The following THRB variants were observed in gnomAD, a reference collection of about 807,000 sequenced individuals.
The protein encoded by THRB is thyroid hormone receptor beta.
In THRB, 12 loss-of-function variants were observed where a neutral mutation model predicts 47.8. The observed-to-expected ratio is 0.25, with a 90% CI of 0.16 to 0.41. THRB has a LOEUF of 0.41. THRB is among the 10% of genes least tolerant of loss of function. The pLI is 1.00. For synonymous variants in THRB, 218 were observed against 212.2 expected (o/e 1.03, Z -0.24); for missense variants, 348 against 589.2 (o/e 0.59, Z 4.24).
chr3:24,343,843 G>A (rs6764304), intron 1 of THRB, among the ~76,000 whole-genome samples: 23,503 of 149,412 alleles, frequency 0.16, 1,974 homozygotes, highest in East Asian at 0.29. Context: ...CTTTAGTTTC[G>A]TAAAGATCTA....
Position 24,265,878 on chromosome 3 carries a change from T to C in THRB, c.-43+31348A>G, listed in dbSNP as rs146282117. Among the ~76,000 whole-genome samples, 1,235 of 152,224 alleles carry C rather than the reference T, an allele frequency of 8.1e-3. 15 individuals are homozygous for C. Among genetic ancestry groups the C allele is most frequent in the African/African-American group, 0.028 (1,166 of 41,542 alleles). ...ACAAAATAAAAATGATATATGAAGT[T>C]TGAACCCAATTTTTAAGAACTATGC... is the stretch of plus-strand genomic sequence containing the variant. On this transcript the variant is annotated intron_variant, in intron 3 of 10. Coordinates refer to ENST00000646209, the MANE Select transcript of THRB (RefSeq NM_001354712.2).
chr3:24,476,789 A>C (rs1225196881), intron 1 of THRB, among the ~76,000 whole-genome samples: 3 of 152,162 alleles, frequency 2.0e-5, no homozygotes, highest in Admixed American at 1.3e-4. Context: ...GGTTTTCTAA[A>C]ATTAAGAAAA....
At chr3:24,238,141 T>C (rs1033902904) in intron 3 of THRB, 2 of 152,062 alleles carry the variant, frequency 1.3e-5, no homozygotes, top group African/African-American at 4.8e-5. Context: ...AGGAAACGTC[T>C]GACAGCAGGA....
intron 1 of THRB, among the ~76,000 whole-genome samples, chr3:24,479,677 C>T (rs970454771): frequency 6.6e-6 from 1 of 152,138 alleles, no homozygotes; most frequent in East Asian, 1.9e-4. Flanking sequence ...TCCAGCTAAA[C>T]GCAGTTTGCC....
At chr3:24,163,660 A>G (rs2039228043) in intron 5 of THRB, among the ~76,000 whole-genome samples, 6 of 152,192 alleles carry the variant, frequency 3.9e-5, no homozygotes. Flanking sequence ...AAATGTTTCC[A>G]TTAGGGGACT....
chr3:24,184,448 A>G (rs2042308646), intron 5 of THRB, among the ~76,000 whole-genome samples: 1 of 152,190 alleles, frequency 6.6e-6, no homozygotes, highest in Non-Finnish European at 1.5e-5. Context: ...GTGCATCTCA[A>G]CGAAAACTGA....
intron 1 of THRB, among the ~76,000 whole-genome samples, chr3:24,357,354 A>C (rs2063743220): frequency 6.9e-6 from 1 of 145,262 alleles, no homozygotes; most frequent in African/African-American, 2.5e-5. Flanking sequence ...CCCAAAAAAA[A>C]AAAAAAAAAA....
chr3:24,398,605 A>T lies in THRB; in HGVS notation c.-260-61234T>A, dbSNP rs544211575. ...AGGTGCTGGAGAGGATGTGGAGAAA[A>T]AGGAAGACTTTTACACTGTTGGTGG... is the stretch of plus-strand genomic sequence containing the variant. On this transcript the variant is annotated intron_variant, in intron 1 of 10. Transcript: ENST00000646209. 4.7e-4 allele frequency among the ~76,000 whole-genome samples: 72 copies of T among 152,220 alleles called. 1 individual carries two copies. In the South Asian group the frequency reaches 0.013, roughly 28 times the overall value.
chr3:24,478,593 A>G (rs988375600), intron 1 of THRB, among the ~76,000 whole-genome samples: 3 of 136,384 alleles, frequency 2.2e-5, no homozygotes, highest in Non-Finnish European at 3.3e-5. Context: ...AGATAGAGGA[A>G]GAGAGGGGAG....
At chr3:24,328,217 T>C (rs1179485441) in intron 2 of THRB, among the ~76,000 whole-genome samples, 1 of 152,226 alleles carries the variant, frequency 6.6e-6, no homozygotes, top group Non-Finnish European at 1.5e-5. Context: ...AATTTTCCTA[T>C]ATTTATCAAT....
intron 4 of THRB, among the ~76,000 whole-genome samples, chr3:24,223,261 G>A (rs1331372223): frequency 6.6e-6 from 1 of 150,660 alleles, no homozygotes; most frequent in Non-Finnish European, 1.5e-5. Flanking sequence ...AAGTGTTAAA[G>A]GTAAGTATGA....
chr3:24,180,327 C>G (rs976076542), intron 5 of THRB, among the ~76,000 whole-genome samples: 2 of 152,160 alleles, frequency 1.3e-5, no homozygotes, highest in African/African-American at 4.8e-5. Context: ...ATATTGCAGT[C>G]TAGACTAATA....
intron 1 of THRB, among the ~76,000 whole-genome samples, chr3:24,418,146 C>T (rs2068911978): frequency 6.6e-6 from 1 of 151,262 alleles, no homozygotes; most frequent in Non-Finnish European, 1.5e-5. Context: ...TCGATTCTAC[C>T]TTTCAACCTT....
intron 8 of THRB, among the ~76,000 whole-genome samples, chr3:24,135,820 C>CATATATATATAT (rs34338818): frequency 0.019 from 1,881 of 98,202 alleles, 20 homozygotes; most frequent in Non-Finnish European, 0.027. Flanking sequence ...GGCAGAGAGT[C>CATATATATATAT]ATATATATAT....
chr3:24,148,858 T>G (rs1259187857), intron 6 of THRB, among the ~76,000 whole-genome samples: 1 of 152,212 alleles, frequency 6.6e-6, no homozygotes. Flanking sequence ...TTGGGGCGTA[T>G]ATGCAAATCC....
chr3:24,377,944 G>C lies in THRB; in HGVS notation c.-260-40573C>G, dbSNP rs147055145. Among the ~76,000 whole-genome samples, 864 of 152,274 alleles carry C rather than the reference G, an allele frequency of 5.7e-3. 3 individuals carry two copies. The highest frequency in any genetic ancestry group is 0.012 in the Admixed American group (188 of 15,292). On this transcript the variant is annotated intron_variant, in intron 1 of 10. Coordinates refer to ENST00000646209, the MANE Select transcript of THRB (RefSeq NM_001354712.2). ...AGGCAACAAAGAAAAGGTGTAAAAT[G>C]AGAGATACAGGAATCCAGTGGCAAA...
chr3:24,204,362 C>T (rs2045014318), intron 4 of THRB, among the ~76,000 whole-genome samples: 1 of 152,350 alleles, frequency 6.6e-6, no homozygotes, highest in South Asian at 2.1e-4. Flanking sequence ...TGCTGTTCTG[C>T]AGCCTTCACT....
intron 2 of THRB, among the ~76,000 whole-genome samples, chr3:24,330,630 C>T (rs1476966087): frequency 1.3e-5 from 2 of 152,152 alleles, no homozygotes; most frequent in Admixed American, 6.5e-5. Flanking sequence ...AGTGTGTAGG[C>T]ATCTACTTAT....
At chr3:24,236,249 G>A (rs2048866206) in intron 3 of THRB, among the ~76,000 whole-genome samples, 2 of 152,292 alleles carry the variant, frequency 1.3e-5, no homozygotes, top group South Asian at 4.1e-4. Flanking sequence ...CTCCTGGACT[G>A]GGCGTCATTC....
Sources: gnomAD v4.1 joint callset for allele counts (sites outside exome capture counted in the v4.1 genomes callset) on GRCh38, gnomAD v4.1.1 for gene constraint, MANE v1.5 for transcripts, NCBI Gene and HGNC (gene_info 2026-07-23, HGNC 2026-07-21) for gene names.